Variants in CMSS1 observed in about 807,000 individuals in gnomAD.
CMSS1 encodes the protein cms1 ribosomal small subunit homolog, also known as protein CMSS1.
A neutral mutation model predicts 43.5 loss-of-function variants in CMSS1; 33 were observed. The observed-to-expected ratio is 0.76, with a 90% CI of 0.57 to 1.01. The LOEUF is 1.01. Among genes scored for constraint, CMSS1 ranks in the 50% least tolerant of loss-of-function variants. The pLI is 0.00. For missense variants in CMSS1, 313 were observed against 326.4 expected (o/e 0.96, Z 0.32); for synonymous variants, 115 against 117.2 (o/e 0.98, Z 0.12).
rs1169509064 is a variant in CMSS1 at position 100,154,730 on chromosome 3, T to C, written c.154-5700T>C. Among the ~76,000 whole-genome samples the C allele has an allele frequency of 7.9e-5, 12 of 152,292 alleles. No individual in the cohort carries two copies. The East Asian group carries it at 2.3e-3, about 29-fold the overall frequency. On this transcript the variant is annotated intron_variant, in intron 2 of 9. Transcript: ENST00000421999. ...TCATGGCCTGTAAATCCCAGCACTT[T>C]GGGAGGCTGAGGCGGGCAGATCACT...
chr3:99,893,235 G>A (rs7635871), intron 1 of CMSS1, among the ~76,000 whole-genome samples: 3 of 145,414 alleles, frequency 2.1e-5, no homozygotes, highest in South Asian at 2.2e-4. Flanking sequence ...GCGCAATCTC[G>A]GCTCACTGCA....
chr3:99,986,592 A>G (rs2107115020), intron 1 of CMSS1, among the ~76,000 whole-genome samples: 1 of 152,236 alleles, frequency 6.6e-6, no homozygotes, highest in East Asian at 1.9e-4. Context: ...TTGTTTGTCA[A>G]AGAGAATTAC....
chr3:100,012,008 T>C (rs1710170698), intron 1 of CMSS1, among the ~76,000 whole-genome samples: 1 of 152,226 alleles, frequency 6.6e-6, no homozygotes, highest in South Asian at 2.1e-4. Flanking sequence ...CCATATCAAT[T>C]ATCATTTACC....
chr3:100,081,471 G>C (rs1347621729), intron 1 of CMSS1, among the ~76,000 whole-genome samples: 1 of 152,106 alleles, frequency 6.6e-6, no homozygotes, highest in Non-Finnish European at 1.5e-5. Context: ...GATTATACTT[G>C]ACAACCCTTA....
intron 1 of CMSS1, among the ~76,000 whole-genome samples, chr3:99,949,039 C>T (rs1362747095): frequency 6.6e-6 from 1 of 152,148 alleles, no homozygotes; most frequent in Non-Finnish European, 1.5e-5. Context: ...TCCTAGCATA[C>T]AGCTGTTAGT....
chr3:100,036,248 C>T (rs2065105684), intron 1 of CMSS1, among the ~76,000 whole-genome samples: 1 of 152,176 alleles, frequency 6.6e-6, no homozygotes, highest in Non-Finnish European at 1.5e-5. Context: ...GCTTCTACAT[C>T]TCATTTCCCA....
intron 1 of CMSS1, among the ~76,000 whole-genome samples, chr3:99,835,037 A>T (rs1304774186): frequency 1.3e-5 from 2 of 151,712 alleles, no homozygotes. Context: ...TCCTTATATC[A>T]CTTCTTAAGA....
rs2067180826 is a variant in CMSS1 at position 100,180,911 on chromosome 3, A to G, written c.*2523A>G. 2 of 152,256 alleles carry G rather than the reference A, an allele frequency of 1.3e-5. No individual in the cohort carries two copies. The highest frequency in any genetic ancestry group is 2.1e-4 in the South Asian group (1 of 4,836). 9.4% of individuals were successfully genotyped at this position (152,256 alleles called of 1,614,324 possible). A position where few individuals can be genotyped will look rare whatever the true frequency, so the allele number is the denominator to read the frequency against. ...ATGAAAAGAGGTTTAATTGACTTCC[A>G]GTTCCACAGACTGTACAGGAGGATG... On this transcript the variant is annotated 3_prime_UTR_variant, in exon 10 of 10. Transcript: ENST00000421999.
chr3:99,842,298 A>G (rs939417550), intron 1 of CMSS1, among the ~76,000 whole-genome samples: 1 of 152,226 alleles, frequency 6.6e-6, no homozygotes, highest in Non-Finnish European at 1.5e-5. Context: ...ACACAGAGGC[A>G]TAAGAATGAT....
intron 1 of CMSS1, among the ~76,000 whole-genome samples, chr3:99,854,274 C>A (rs1943847682): frequency 6.6e-6 from 1 of 152,068 alleles, no homozygotes; most frequent in South Asian, 2.1e-4. Context: ...CATTATTTTT[C>A]TTTGCATATG....
At chr3:99,873,624 T>C (rs1181462661) in intron 1 of CMSS1, among the ~76,000 whole-genome samples, 1 of 152,212 alleles carries the variant, frequency 6.6e-6, no homozygotes, top group African/African-American at 2.4e-5. Flanking sequence ...TTTTCAGTTT[T>C]TTTTCTTAAA....
At chr3:99,899,095 A>G (rs1024592098) in intron 1 of CMSS1, among the ~76,000 whole-genome samples, 2 of 152,226 alleles carry the variant, frequency 1.3e-5, no homozygotes, top group Non-Finnish European at 2.9e-5. Flanking sequence ...TGCTTTGATT[A>G]TATTAGATGG....
rs1361903161 is a variant in CMSS1 at position 100,147,041 on chromosome 3, C to T, written c.133C>T (p.Pro45Ser). Reference sequence around the variant, plus strand: ...GCAGGAGACAGTTCCAGTTCCTGTACCTTCAGAGAAAACCAAACAGGTGAG... The same window carrying T: ...GCAGGAGACAGTTCCAGTTCCTGTATCTTCAGAGAAAACCAAACAGGTGAG... ...MQQETVPVPV[P>S]SEKTKQPKEC... The change falls in exon 2 of 10, where the codon CCT (proline) becomes TCT (serine). Residue 45 changes from proline (P) to serine (S), a missense_variant. Coordinates refer to ENST00000421999, the MANE Select transcript of CMSS1 (RefSeq NM_032359.4). 1.2e-6 allele frequency: 2 copies of T among 1,613,894 alleles called. No individual in the cohort carries two copies. The highest frequency in any genetic ancestry group is 2.2e-5 in the East Asian group (1 of 44,854).
At chr3:99,848,106 G>A (rs1295068607) in intron 1 of CMSS1, 13 of 1,439,678 alleles carry the variant, frequency 9.0e-6, no homozygotes, top group South Asian at 3.1e-5. Flanking sequence ...GTGCACACTC[G>A]ATATGACTAT....
chr3:99,955,989 A>AGT (rs1449933169), intron 1 of CMSS1, among the ~76,000 whole-genome samples: 1 of 152,164 alleles, frequency 6.6e-6, no homozygotes, highest in African/African-American at 2.4e-5. Context: ...TTGACCTTGG[A>AGT]GTCCTTGGCT....
chr3:100,124,269 G>A (rs1405546533), intron 1 of CMSS1, among the ~76,000 whole-genome samples: 2 of 152,120 alleles, frequency 1.3e-5, no homozygotes, highest in South Asian at 2.1e-4. Context: ...ATTCTGAGGT[G>A]AGAGATATTT....
At chr3:100,040,604 A>G (rs1446337873) in intron 1 of CMSS1, 1 of 152,196 alleles carries the variant, frequency 6.6e-6, no homozygotes, top group Non-Finnish European at 1.5e-5. Context: ...AGGCCCTTAT[A>G]TATGCATTCT....
At chr3:99,989,335 G>A (rs1215314895) in intron 1 of CMSS1, among the ~76,000 whole-genome samples, 1 of 152,174 alleles carries the variant, frequency 6.6e-6, no homozygotes, top group Non-Finnish European at 1.5e-5. Flanking sequence ...TAAATGTAGA[G>A]GTGGGGGTGA....
At chr3:100,152,834 A>G (rs575140316) in intron 2 of CMSS1, among the ~76,000 whole-genome samples, 1 of 152,172 alleles carries the variant, frequency 6.6e-6, no homozygotes. Flanking sequence ...TTAGTTTCCA[A>G]TAAGATTTTT....
Sources: gnomAD v4.1 joint callset for allele counts (sites outside exome capture counted in the v4.1 genomes callset) on GRCh38, gnomAD v4.1.1 for gene constraint, MANE v1.5 for transcripts, NCBI Gene and HGNC (gene_info 2026-07-23, HGNC 2026-07-21) for gene names.